Variants in DACH2 observed in about 807,000 individuals in gnomAD.
The protein encoded by DACH2 is dachshund family transcription factor 2.
In DACH2, 17 loss-of-function variants were observed where a neutral mutation model predicts 35.8. The observed-to-expected ratio is 0.48, with a 90% CI of 0.33 to 0.71. DACH2 has a LOEUF of 0.71. Ranked by LOEUF, DACH2 falls within the 30% of genes least tolerant of loss-of-function variation. The pLI is 0.02. For missense variants in DACH2, 469 were observed against 472.7 expected, an observed-to-expected ratio of 0.99 and a Z score of 0.07; for synonymous variants, 195 against 177.3, an observed-to-expected ratio of 1.10 and a Z score of -0.79.
rs191690099 is a variant in DACH2, at chrX:86,508,371, C to A, written c.528-5908C>A. On this transcript the variant is annotated intron_variant, in intron 2 of 11. Coordinates refer to ENST00000373125, the MANE Select transcript of DACH2 (RefSeq NM_053281.3). ...GCCAGGAGTTTGAGACCAGCCTGAC[C>A]AATATGGCAAAACCCCGTCTCTACT... 6.1e-3 allele frequency among the ~76,000 whole-genome samples: 671 copies of A among 109,898 alleles called. 15 individuals are homozygous for A. Among genetic ancestry groups the A allele is most frequent in the Admixed American group, 0.055 (564 of 10,237 alleles).
intron 7 of DACH2, among the ~76,000 whole-genome samples, chrX:86,743,157 A>G (rs1457833709): frequency 9.0e-6 from 1 of 111,320 alleles, no homozygotes; most frequent in Admixed American, 9.6e-5. Context: ...ATATGTGCTA[A>G]TTTGGACATT....
chrX:86,240,698 A>G (rs2033147915), intron 1 of DACH2, among the ~76,000 whole-genome samples: 1 of 109,904 alleles, frequency 9.1e-6, no homozygotes, highest in Admixed American at 9.7e-5. Context: ...CCCCATCCAA[A>G]TCTAATGTCA....
Position 86,149,679 on chromosome X carries a change from G to A in DACH2, c.488+571G>A, listed in dbSNP as rs185838685. Among the ~76,000 whole-genome samples the A allele has an allele frequency of 2.0e-4, 23 of 112,439 alleles. No individual in the cohort carries two copies. In the East Asian group the frequency reaches 6.5e-3, roughly 32 times the overall value. On this transcript the variant is annotated intron_variant, in intron 1 of 11. Coordinates refer to ENST00000373125, the MANE Select transcript of DACH2 (RefSeq NM_053281.3). ...GTGTGTGGTGTTGTTGTTTGTGGTG[G>A]TGTTGGTGTGTATGTGTGCAAGTGC...
intron 7 of DACH2, among the ~76,000 whole-genome samples, chrX:86,747,550 C>A (rs1175569594): frequency 8.9e-6 from 1 of 111,970 alleles, no homozygotes; most frequent in East Asian, 2.8e-4. Context: ...TTACACAATA[C>A]TGTAGTCTAT....
chrX:86,322,852 T>C (rs895225096), intron 1 of DACH2, among the ~76,000 whole-genome samples: 2 of 112,247 alleles, frequency 1.8e-5, no homozygotes, highest in African/African-American at 6.5e-5. Flanking sequence ...ACACAATAGG[T>C]GTCTTAGGAA....
At chrX:86,305,339 G>A (rs1046440696) in intron 1 of DACH2, among the ~76,000 whole-genome samples, 1 of 111,424 alleles carries the variant, frequency 9.0e-6, no homozygotes, top group African/African-American at 3.3e-5. Flanking sequence ...GATATAAAAT[G>A]ATAATTTTGT....
chrX:86,213,433 T>G (rs2147915778), intron 1 of DACH2, among the ~76,000 whole-genome samples: 1 of 111,216 alleles, frequency 9.0e-6, no homozygotes, highest in African/African-American at 3.3e-5. Flanking sequence ...TCCTTGTCCT[T>G]TAGGGTGGAT....
intron 1 of DACH2, among the ~76,000 whole-genome samples, chrX:86,232,382 A>G (rs1260995874): frequency 3.6e-4 from 40 of 112,235 alleles, no homozygotes; most frequent in Non-Finnish European, 1.3e-4. Flanking sequence ...TCTGCACAGC[A>G]AAAGAAACCA....
chrX:86,304,204 C>T (rs756070647), intron 1 of DACH2, among the ~76,000 whole-genome samples: 60 of 111,497 alleles, frequency 5.4e-4, no homozygotes, highest in Non-Finnish European at 9.8e-4. Flanking sequence ...TCTCTCTTAC[C>T]CTACACAAAA....
intron 1 of DACH2, among the ~76,000 whole-genome samples, chrX:86,182,793 A>G (rs1227516756): frequency 2.1e-5 from 1 of 47,938 alleles, no homozygotes; most frequent in Non-Finnish European, 3.7e-5. Context: ...CGATATTGAT[A>G]CTTTCTATCC....
intron 1 of DACH2, among the ~76,000 whole-genome samples, chrX:86,364,911 T>C (rs902764752): frequency 7.2e-5 from 8 of 111,252 alleles, no homozygotes; most frequent in African/African-American, 2.6e-4. Context: ...TCATGTGTTA[T>C]TTTAGAAGAG....
chrX:86,500,897 A>G (rs1171279598), intron 2 of DACH2, among the ~76,000 whole-genome samples: 2 of 111,753 alleles, frequency 1.8e-5, no homozygotes, highest in Admixed American at 1.9e-4. Context: ...CTTTTTACCA[A>G]TAAATACCAA....
Position 86,156,165 on chromosome X carries a change from A to T in DACH2, c.488+7057A>T, listed in dbSNP as rs1228603240. On this transcript the variant is annotated intron_variant, in intron 1 of 11. Coordinates refer to ENST00000373125, the MANE Select transcript of DACH2 (RefSeq NM_053281.3). ...GTTTTAAGAAAAAGATATCTTTATCAATACCTATCATGGTATCCTTAAAAA... is the reference window on the plus strand; with the variant it reads ...GTTTTAAGAAAAAGATATCTTTATCTATACCTATCATGGTATCCTTAAAAA... Among the ~76,000 whole-genome samples, 18 of 111,133 alleles carry T rather than the reference A, an allele frequency of 1.6e-4. No individual in the cohort carries two copies. The Admixed American group carries it at 1.7e-3, about 11-fold the overall frequency.
chrX:86,545,235 G>T (rs1172503743), intron 3 of DACH2, among the ~76,000 whole-genome samples: 1 of 112,074 alleles, frequency 8.9e-6, no homozygotes, highest in Admixed American at 9.5e-5. Flanking sequence ...AAATAAAAGA[G>T]ATCTTGTCCT....
intron 2 of DACH2, among the ~76,000 whole-genome samples, chrX:86,405,772 C>T (rs775613927): frequency 1.8e-5 from 2 of 111,738 alleles, no homozygotes; most frequent in Admixed American, 9.6e-5. Flanking sequence ...CCTCACACTG[C>T]TATAAGTACA....
chrX:86,465,090 A>G (rs1256280092), intron 2 of DACH2, among the ~76,000 whole-genome samples: 1 of 112,141 alleles, frequency 8.9e-6, no homozygotes, highest in African/African-American at 3.2e-5. Context: ...ATTCAGAGAC[A>G]AATACACAAA....
chrX:86,416,239 C>G (rs1044431228), intron 2 of DACH2, among the ~76,000 whole-genome samples: 2 of 112,014 alleles, frequency 1.8e-5, no homozygotes, highest in African/African-American at 6.5e-5. Flanking sequence ...AATGAGTGGT[C>G]AGTGTAAATT....
At chrX:86,234,636 CAG>C (rs1176172519) in intron 1 of DACH2, among the ~76,000 whole-genome samples, 2 of 104,634 alleles carry the variant, frequency 1.9e-5, no homozygotes, top group African/African-American at 7.1e-5. Flanking sequence ...TTTTTTGAGA[CAG>C]AGTCTTGCTC....
chrX:86,286,283 G>A (rs775032329), intron 1 of DACH2, among the ~76,000 whole-genome samples: 30 of 107,293 alleles, frequency 2.8e-4, no homozygotes, highest in East Asian at 2.1e-3. Flanking sequence ...GCCCGCCACC[G>A]CGCCCGGCTA....
Sources: gnomAD v4.1 joint callset for allele counts (sites outside exome capture counted in the v4.1 genomes callset) on GRCh38, gnomAD v4.1.1 for gene constraint, MANE v1.5 for transcripts, NCBI Gene and HGNC (gene_info 2026-07-23, HGNC 2026-07-21) for gene names.